STAT3: variants seen among roughly 807,000 people sequenced by gnomAD.
STAT3 encodes signal transducer and activator of transcription 3.
A neutral mutation model predicts 114.3 loss-of-function variants in STAT3; 7 were observed. The observed-to-expected ratio is 0.06, with a 90% confidence interval of 0.03 to 0.11. The LOEUF is 0.11. Among genes scored for constraint, STAT3 ranks in the 10% least tolerant of loss-of-function variants. The pLI, the probability that STAT3 is intolerant of heterozygous loss-of-function variation, is 1.00. For synonymous variants in STAT3, 331 were observed against 354.5 expected (o/e 0.93, Z 0.74); for missense variants, 364 against 960.9 (o/e 0.38, Z 8.21).
chr17:42,356,187 G>A (rs1216399180), intron 1 of STAT3, among the ~76,000 whole-genome samples: 1 of 152,112 alleles, frequency 6.6e-6, no homozygotes, highest in Admixed American at 6.6e-5. Context: ...GTCCTTTTAA[G>A]AGATATGTTT....
chr17:42,386,473 A>G (rs1422575598), intron 1 of STAT3, among the ~76,000 whole-genome samples: 1 of 152,110 alleles, frequency 6.6e-6, no homozygotes, highest in African/African-American at 2.4e-5. Flanking sequence ...GGGTTAATTC[A>G]TAACTGTGCT....
chr17:42,336,325 G>A (rs896128005), intron 8 of STAT3, among the ~76,000 whole-genome samples: 1 of 152,090 alleles, frequency 6.6e-6, no homozygotes, highest in African/African-American at 2.4e-5. Context: ...GGCTGGGCAC[G>A]GCAGCTCACA....
chr17:42,355,054 CAA>C (rs1264462656), intron 1 of STAT3, among the ~76,000 whole-genome samples: 1 of 152,094 alleles, frequency 6.6e-6, no homozygotes, highest in Non-Finnish European at 1.5e-5. Context: ...GATGACTAGC[CAA>C]AGTGTCTAGG....
At position 42,324,567 on chromosome 17, in the gene STAT3, C is replaced by T; in HGVS notation, c.1600+144G>A. The T allele has an allele frequency of 3.3e-6, 4 of 1,229,772 alleles. No individual in the cohort carries two copies. Among genetic ancestry groups the T allele is most frequent in the Non-Finnish European group, 4.5e-6 (4 of 883,250 alleles). 76.2% of individuals were successfully genotyped at this position (1,229,772 alleles called of 1,614,324 possible). On this transcript the variant is annotated intron_variant, in intron 17 of 23. Transcript: ENST00000264657. This position sits in a 1 kb window ranked among gnomAD's most constrained non-coding sequence, Gnocchi z 4.5. Reference sequence around the variant, plus strand: ...TCTGCACCCCAACTCCCCAACTCCCCTGTTTCCTGGCACCAGCACAGCGCC... The same window carrying T: ...TCTGCACCCCAACTCCCCAACTCCCTTGTTTCCTGGCACCAGCACAGCGCC...
Position 42,388,426 on chromosome 17 carries a change from G to C in STAT3, c.-171C>G. ...CCTGTCCAGGATCCGGTTGGGGCTT[G>C]TTCCCTCGGCTGCGACGTCGGAACC... On this transcript the variant is annotated 5_prime_UTR_variant, in exon 1 of 24. Coordinates refer to ENST00000264657, the MANE Select transcript of STAT3 (RefSeq NM_139276.3). 8.1e-7 allele frequency: 1 copy of C among 1,231,832 alleles called. No homozygotes were observed. Among genetic ancestry groups the C allele is most frequent in the South Asian group, 4.1e-5 (1 of 24,344 alleles). 76.3% of individuals were successfully genotyped at this position (1,231,832 alleles called of 1,614,324 possible). A position where few individuals can be genotyped will look rare whatever the true frequency, so the allele number is the denominator to read the frequency against.
intron 1 of STAT3, among the ~76,000 whole-genome samples, chr17:42,369,717 C>A (rs2084002300): frequency 6.6e-6 from 1 of 152,106 alleles, no homozygotes; most frequent in Non-Finnish European, 1.5e-5. Context: ...GTGGCAGGAT[C>A]ATAGCTCACT....
At chr17:42,384,993 T>C (rs1008698262) in intron 1 of STAT3, among the ~76,000 whole-genome samples, 2 of 152,198 alleles carry the variant, frequency 1.3e-5, no homozygotes, top group Admixed American at 6.5e-5. Flanking sequence ...CACTGTCCAA[T>C]AGAACGTTCT....
intron 21 of STAT3, among the ~76,000 whole-genome samples, chr17:42,321,820 C>T (rs2081496203): frequency 6.6e-6 from 1 of 152,032 alleles, no homozygotes. Context: ...GTGTATTGAT[C>T]CCCTCTTTAT....
chr17:42,316,028 A>C, intron 23 of STAT3: 1 of 1,421,670 alleles, frequency 7.0e-7, no homozygotes. Context: ...CCAGAGCTCC[A>C]TGTTTACAGA....
chr17:42,368,390 A>G (rs1250285892), intron 1 of STAT3, among the ~76,000 whole-genome samples: 1 of 152,236 alleles, frequency 6.6e-6, no homozygotes, highest in Non-Finnish European at 1.5e-5. Context: ...ATTGATATGC[A>G]GACACTAAAA....
rs766994331 is a variant in STAT3 at position 42,346,707 on chromosome 17, A to G, written c.135T>C (p.Tyr45=). Residue 45 remains tyrosine, a synonymous_variant, in exon 3 of 24, where the codon TAT becomes TAC. Coordinates refer to ENST00000264657, the MANE Select transcript of STAT3 (RefSeq NM_139276.3). ...TGGCATGTGATTCTTTGCTGGCCGCATATGCCCTAGGAAAAGGAAGAATGA... is the reference window on the plus strand; with the variant it reads ...TGGCATGTGATTCTTTGCTGGCCGCGTATGCCCTAGGAAAAGGAAGAATGA... The part of the protein sequence containing the change: ...APWIESQDWA[Y]AASKESHATL... 4 of 1,614,060 alleles carry G rather than the reference A, an allele frequency of 2.5e-6. No homozygotes were observed. Among genetic ancestry groups the G allele is most frequent in the Admixed American group, 1.7e-5 (1 of 59,984 alleles).
rs79597774 is a variant in STAT3, at chr17:42,372,562, T to C, written c.-24+15717A>G. ...GCCAGTGGTTCAGCAGAGGAATGAA[T>C]AGGTGGAGCACAGGGGGTTTCTAGG... On this transcript the variant is annotated intron_variant, in intron 1 of 23. Transcript: ENST00000264657. Among the ~76,000 whole-genome samples, 372 of 152,328 alleles carry C rather than the reference T, an allele frequency of 2.4e-3. 3 individuals are homozygous for C. The highest frequency in any genetic ancestry group is 0.014 in the Middle Eastern group (4 of 294).
chr17:42,335,172 C>T (rs753622417), intron 8 of STAT3, among the ~76,000 whole-genome samples: 8 of 151,490 alleles, frequency 5.3e-5, no homozygotes, highest in Non-Finnish European at 1.0e-4. Flanking sequence ...TGGCCTAGTG[C>T]AGTGCAATGG....
intron 20 of STAT3, 21 bp downstream of exon 20, chr17:42,322,983 G>A (rs201963465): frequency 1.1e-5 from 17 of 1,612,868 alleles, no homozygotes; most frequent in Non-Finnish European, 1.4e-5. Flanking sequence ...AGCAGGTGGG[G>A]TGGGTGGGAG....
At chr17:42,342,112 T>C (rs943913408) in intron 4 of STAT3, among the ~76,000 whole-genome samples, 2 of 152,136 alleles carry the variant, frequency 1.3e-5, no homozygotes, top group African/African-American at 2.4e-5. Context: ...TGCTAACCTC[T>C]TGGGCTACAG....
chr17:42,336,832 A>C (rs1330369158), intron 8 of STAT3, among the ~76,000 whole-genome samples: 1 of 152,104 alleles, frequency 6.6e-6, no homozygotes, highest in Non-Finnish European at 1.5e-5. Flanking sequence ...TACTAAAATA[A>C]CTAAAATTAA....
At chr17:42,373,070 G>A (rs1033531223) in intron 1 of STAT3, among the ~76,000 whole-genome samples, 1 of 152,120 alleles carries the variant, frequency 6.6e-6, no homozygotes, top group Non-Finnish European at 1.5e-5. Context: ...ATAAAGTCTA[G>A]ACTGGCCGCA....
At chr17:42,317,361 T>A in intron 21 of STAT3, 137 bp from the exon 22 acceptor site, 3 of 1,023,504 alleles carry the variant, frequency 2.9e-6, no homozygotes, top group Non-Finnish European at 4.4e-6. Context: ...GAAAGCTCCA[T>A]CTGCCCCTCA....
rs1598415151 is a variant in STAT3, at chr17:42,333,804, G to T, written c.957-39C>A. On this transcript the variant is annotated intron_variant, in intron 9 of 23. Transcript: ENST00000264657. The surrounding 1 kb of genome is among the most constrained non-coding windows in gnomAD (Gnocchi z 5.2). ...AGATGGGCTCACGCGCCACGGCCAT[G>T]ACCAGAAGTCAGCCCGCCTCTCACT... 2 of 1,614,092 alleles carry T rather than the reference G, an allele frequency of 1.2e-6. No individual in the cohort carries two copies. Among genetic ancestry groups the T allele is most frequent in the South Asian group, 2.2e-5 (2 of 91,008 alleles).
Sources: gnomAD v4.1 joint callset for allele counts (sites outside exome capture counted in the v4.1 genomes callset) on GRCh38, gnomAD v4.1.1 for gene constraint, Gnocchi (gnomAD v3.1) non-coding constraint, MANE v1.5 for transcripts, NCBI Gene and HGNC (gene_info 2026-07-23, HGNC 2026-07-21) for gene names.